The following CHST11 variants were observed in gnomAD, a reference collection of about 807,000 sequenced individuals.
The protein encoded by CHST11 is carbohydrate sulfotransferase 11, also known as C4S-1.
In CHST11, 9 loss-of-function variants were observed where a neutral mutation model predicts 30.4. That is an observed-to-expected ratio of 0.30 (90% CI 0.18 to 0.52). CHST11 has a LOEUF of 0.52. Ranked by LOEUF, CHST11 falls within the 20% of genes least tolerant of loss-of-function variation. CHST11 has a pLI of 0.97. For missense variants in CHST11, 348 were observed against 460.6 expected (o/e 0.76, Z 2.24); for synonymous variants, 152 against 187.8 (o/e 0.81, Z 1.56).
intron 2 of CHST11, among the ~76,000 whole-genome samples, chr12:104,739,699 G>A (rs951691000): frequency 2.0e-5 from 3 of 152,186 alleles, no homozygotes; most frequent in Non-Finnish European, 4.4e-5. Flanking sequence ...GAGCAGCTGT[G>A]GGTCAAGTGA....
At chr12:104,744,853 ATTTATTTATTTAT>A (rs1272111936) in intron 2 of CHST11, among the ~76,000 whole-genome samples, 2 of 25,676 alleles carry the variant, frequency 7.8e-5, no homozygotes, top group East Asian at 7.5e-4. Flanking sequence ...TCATTTATTT[ATTTATTTATTTAT>A]TTATTTATTT....
chr12:104,465,236 C>T lies in CHST11; in HGVS notation c.118+7707C>T, dbSNP rs1316170353. Among the ~76,000 whole-genome samples, 8 of 152,232 alleles carry T rather than the reference C, an allele frequency of 5.3e-5. No homozygotes were observed. In the East Asian group the frequency reaches 7.7e-4, roughly 15 times the overall value. On this transcript the variant is annotated intron_variant, in intron 1 of 2. Coordinates refer to ENST00000303694, the MANE Select transcript of CHST11 (RefSeq NM_018413.6). ...TGGTTAGTCTTGAGTACTTGCTTCTCAATGGCCAGACTGGCATGCAGTCTG... is the reference window on the plus strand; with the variant it reads ...TGGTTAGTCTTGAGTACTTGCTTCTTAATGGCCAGACTGGCATGCAGTCTG...
At chr12:104,599,426 C>T (rs932607395) in intron 1 of CHST11, among the ~76,000 whole-genome samples, 8 of 152,194 alleles carry the variant, frequency 5.3e-5, no homozygotes, top group South Asian at 2.1e-4. Flanking sequence ...TAATCTTGCC[C>T]GGCATGGGCA....
At chr12:104,624,827 G>C (rs2039196359) in intron 2 of CHST11, among the ~76,000 whole-genome samples, 1 of 152,218 alleles carries the variant, frequency 6.6e-6, no homozygotes, top group South Asian at 2.1e-4. Flanking sequence ...GTGCCAGTAA[G>C]GTTGGTTTCT....
At chr12:104,640,910 C>T (rs1169990454) in intron 2 of CHST11, among the ~76,000 whole-genome samples, 2 of 152,158 alleles carry the variant, frequency 1.3e-5, no homozygotes, top group Admixed American at 6.5e-5. Context: ...CCTTACATCC[C>T]TGTTTTCCCG....
intron 1 of CHST11, among the ~76,000 whole-genome samples, chr12:104,499,186 A>C (rs2037828959): frequency 6.6e-6 from 1 of 152,200 alleles, no homozygotes; most frequent in African/African-American, 2.4e-5. Context: ...AGAGGGTGTT[A>C]GGTTTTTAAA....
chr12:104,744,857 ATTTATTTATTTAT>A (rs2040377005), intron 2 of CHST11, among the ~76,000 whole-genome samples: 2 of 27,934 alleles, frequency 7.2e-5, no homozygotes, highest in African/African-American at 3.9e-4. Context: ...TTATTTATTT[ATTTATTTATTTAT>A]TTATTTATTT....
At chr12:104,581,354 A>G (rs995127156) in intron 1 of CHST11, among the ~76,000 whole-genome samples, 10 of 152,246 alleles carry the variant, frequency 6.6e-5, no homozygotes, top group African/African-American at 2.4e-4. Context: ...TTATATATGT[A>G]TATCTGTGTT....
chr12:104,755,918 C>A (rs529704618), intron 2 of CHST11, among the ~76,000 whole-genome samples: 8 of 152,176 alleles, frequency 5.3e-5, no homozygotes, highest in East Asian at 3.9e-4. Flanking sequence ...GGGACCCCCC[C>A]CTCCGGTTAT....
chr12:104,694,732 T>C (rs1285367936), intron 2 of CHST11, among the ~76,000 whole-genome samples: 1 of 152,180 alleles, frequency 6.6e-6, no homozygotes, highest in Non-Finnish European at 1.5e-5. Flanking sequence ...ACTCCTGGGA[T>C]AGAAAGGCCA....
chr12:104,733,366 G>A (rs2040272755), intron 2 of CHST11, among the ~76,000 whole-genome samples: 1 of 152,204 alleles, frequency 6.6e-6, no homozygotes, highest in Non-Finnish European at 1.5e-5. Flanking sequence ...GTGGGAGGCA[G>A]TAACACTGAC....
At chr12:104,571,409 C>T (rs1440063223) in intron 1 of CHST11, among the ~76,000 whole-genome samples, 3 of 152,216 alleles carry the variant, frequency 2.0e-5, no homozygotes, top group South Asian at 2.1e-4. Context: ...GTGATCCGCC[C>T]GCTTCGGCCT....
At chr12:104,551,921 C>T (rs996107471) in intron 1 of CHST11, among the ~76,000 whole-genome samples, 5 of 152,148 alleles carry the variant, frequency 3.3e-5, no homozygotes, top group Admixed American at 2.0e-4. Flanking sequence ...AAATTGACAC[C>T]TTCTCTGCTG....
intron 2 of CHST11, among the ~76,000 whole-genome samples, chr12:104,655,768 G>A (rs556230226): frequency 1.1e-4 from 17 of 152,330 alleles, no homozygotes; most frequent in African/African-American, 2.6e-4. Flanking sequence ...TGCTGTGCTC[G>A]TGTATAAACC....
Position 104,494,732 on chromosome 12 carries a change from CATTTTGTAAA to C in CHST11, c.118+37205_118+37214del, listed in dbSNP as rs1405983939. On this transcript the variant is annotated intron_variant, in intron 1 of 2. Coordinates refer to ENST00000303694, the MANE Select transcript of CHST11 (RefSeq NM_018413.6). ...GATTGACTCGGAGGCATCTAGAGTT[CATTTTGTAAA>C]ACACTTAAACAATTCAGGGTGTTTT... is the stretch of plus-strand genomic sequence containing the variant. Among the ~76,000 whole-genome samples the C allele has an allele frequency of 2.0e-5, 3 of 152,086 alleles. No homozygotes were observed. The East Asian group carries it at 5.8e-4, about 29-fold the overall frequency.
At chr12:104,477,041 A>G (rs2037569988) in intron 1 of CHST11, among the ~76,000 whole-genome samples, 1 of 152,192 alleles carries the variant, frequency 6.6e-6, no homozygotes, top group South Asian at 2.1e-4. Flanking sequence ...GTATCTTATT[A>G]ATGGGCTTCC....
At chr12:104,733,634 T>C (rs952086797) in intron 2 of CHST11, among the ~76,000 whole-genome samples, 7 of 152,346 alleles carry the variant, frequency 4.6e-5, no homozygotes, top group African/African-American at 1.7e-4. Context: ...AAAGTAATGG[T>C]AAAACTGCAA....
chr12:104,719,050 G>T (rs577877521), intron 2 of CHST11, among the ~76,000 whole-genome samples: 1 of 152,280 alleles, frequency 6.6e-6, no homozygotes, highest in South Asian at 2.1e-4. Flanking sequence ...ACAGAATGGG[G>T]CACAGTAAAC....
chr12:104,710,514 A>T (rs1317604527), intron 2 of CHST11, among the ~76,000 whole-genome samples: 1 of 151,552 alleles, frequency 6.6e-6, no homozygotes, highest in African/African-American at 2.4e-5. Context: ...CTTCCAGGGG[A>T]CCCCTCCTCC....
Sources: allele counts gnomAD v4.1 joint callset (sites outside exome capture counted in the v4.1 genomes callset), GRCh38; gene constraint gnomAD v4.1.1; transcripts MANE v1.5; gene names NCBI Gene and HGNC (gene_info 2026-07-23, HGNC 2026-07-21).